Variants in GRAMD1B observed in about 807,000 individuals in gnomAD.
GRAMD1B encodes the protein protein Aster-B.
GRAMD1B carries 37 observed loss-of-function variants against 99.7 expected under a neutral mutation model. The observed-to-expected ratio is 0.37, with a 90% CI of 0.29 to 0.49. The LOEUF (loss-of-function observed/expected upper bound fraction) is 0.49. Among genes scored for constraint, GRAMD1B ranks in the 20% least tolerant of loss-of-function variants. The pLI is 0.98. For synonymous variants in GRAMD1B, 427 were observed against 387.6 expected (o/e 1.10, Z -1.19); for missense variants, 888 against 1,009.2 (o/e 0.88, Z 1.63).
chr11:123,583,287 GTGGT>G (rs1217634873), intron 3 of GRAMD1B, among the ~76,000 whole-genome samples: 2 of 147,294 alleles, frequency 1.4e-5, no homozygotes, highest in East Asian at 4.2e-4. Context: ...GCATGTGTGT[GTGGT>G]GTGTGTGAAT....
upstream of GRAMD1B, among the ~76,000 whole-genome samples, chr11:123,429,433 A>C (rs888662377): frequency 6.6e-6 from 1 of 152,028 alleles, no homozygotes; most frequent in Non-Finnish European, 1.5e-5. This position sits in a 1 kb window ranked among gnomAD's most constrained non-coding sequence, Gnocchi z 4.0. Context: ...ACTGAACCAG[A>C]CTTCCTAGGT....
chr11:123,413,746 G>A (rs1948131620), intron 1 of GRAMD1B, among the ~76,000 whole-genome samples: 1 of 152,000 alleles, frequency 6.6e-6, no homozygotes, highest in South Asian at 2.1e-4. Flanking sequence ...TCCAAGAAGA[G>A]GGGCTGCACA....
intron 2 of GRAMD1B, among the ~76,000 whole-genome samples, chr11:123,488,559 G>A (rs535921086): frequency 5.3e-5 from 8 of 152,306 alleles, no homozygotes; most frequent in Admixed American, 3.3e-4. Flanking sequence ...TGGCCATCAG[G>A]CATCAAGAAC....
intron 1 of GRAMD1B, among the ~76,000 whole-genome samples, chr11:123,434,881 C>T (rs868034263): frequency 6.6e-6 from 1 of 152,156 alleles, no homozygotes; most frequent in Non-Finnish European, 1.5e-5. Flanking sequence ...GTTCTATCAT[C>T]GATTAGCTAT....
intron 2 of GRAMD1B, among the ~76,000 whole-genome samples, chr11:123,522,522 T>G (rs1044706925): frequency 4.6e-5 from 7 of 152,160 alleles, no homozygotes; most frequent in Non-Finnish European, 1.0e-4. Context: ...TTTCACCATG[T>G]TGGCAAGGCT....
rs565734823 is a variant in GRAMD1B, at chr11:123,539,579, G to T, written c.453-37788G>T. ...ATCACACCACTGCACTCCAGCCTGGGTGACAGAGAGAGACCCTGTCTCAAA... is the reference window on the plus strand; with the variant it reads ...ATCACACCACTGCACTCCAGCCTGGTTGACAGAGAGAGACCCTGTCTCAAA... On this transcript the variant is annotated intron_variant, in intron 2 of 19. Transcript: ENST00000635736. 1.1e-4 allele frequency among the ~76,000 whole-genome samples: 16 copies of T among 152,224 alleles called. No individual in the cohort carries two copies. The South Asian group carries it at 2.7e-3, about 26-fold the overall frequency.
chr11:123,564,076 A>G (rs1445416709), intron 2 of GRAMD1B, among the ~76,000 whole-genome samples: 1 of 152,176 alleles, frequency 6.6e-6, no homozygotes, highest in Non-Finnish European at 1.5e-5. Context: ...GGGAGGAGCG[A>G]TATGAGGGGC....
In GRAMD1B at chr11:123,591,072, C is replaced by T. The variant is rs371401499; in HGVS notation, c.685-3010C>T. On this transcript the variant is annotated intron_variant, in intron 4 of 19. Coordinates refer to ENST00000635736, the MANE Select transcript of GRAMD1B (RefSeq NM_001387025.1). This position sits in a 1 kb window ranked among gnomAD's most constrained non-coding sequence, Gnocchi z 4.7. The stretch of plus-strand genomic sequence containing the variant: ...TGTCTGCACTGACCAGGTGGAGGTG[C>T]GTGACCACACCACCTCTGGGCTACT... 5 of 194,730 alleles carry T rather than the reference C, an allele frequency of 2.6e-5. No individual in the cohort carries two copies. The highest frequency in any genetic ancestry group is 6.1e-5 in the Admixed American group (1 of 16,484). The allele number at this position is 194,730 out of a possible 1,614,324, so 12.1% of individuals were successfully genotyped here.
At chr11:123,578,408 A>T in intron 3 of GRAMD1B, 1 of 1,530,312 alleles carries the variant, frequency 6.5e-7, no homozygotes, top group South Asian at 1.2e-5. Context: ...GCATGGTCTT[A>T]GTCTCACAAG....
At position 123,423,241 on chromosome 11, in the gene GRAMD1B, GAC is replaced by G. The variant is rs57312255; in HGVS notation, c.-175-57551_-175-57550del. Among the ~76,000 whole-genome samples the G allele has an allele frequency of 1.8e-3, 269 of 146,094 alleles. 1 individual carries two copies. The highest frequency in any genetic ancestry group is 4.2e-3 in the African/African-American group (168 of 39,904). On this transcript the variant is annotated intron_variant, in intron 1 of 20. Coordinates refer to the GRAMD1B transcript ENST00000638157. ...AAAACATAACATCTACCAACAATAA[GAC>G]ACACACACACACACACACACACAGA...
intron 17 of GRAMD1B, chr11:123,618,232 T>C: frequency 1.2e-6 from 1 of 832,982 alleles, no homozygotes; most frequent in South Asian, 1.5e-5. Flanking sequence ...TATTTTTTTC[T>C]CATATACTCT....
At position 123,444,951 on chromosome 11, in the gene GRAMD1B, T is replaced by C. The variant is rs1163514380; in HGVS notation, c.374+13785T>C. 2.0e-5 allele frequency among the ~76,000 whole-genome samples: 3 copies of C among 152,178 alleles called. No homozygotes were observed. The East Asian group carries it at 5.8e-4, about 29-fold the overall frequency. On this transcript the variant is annotated intron_variant, in intron 1 of 19. Coordinates refer to ENST00000635736, the MANE Select transcript of GRAMD1B (RefSeq NM_001387025.1). ...CCATCTTGAGGCTCCCCAGGGGCTG[T>C]ATCCTAAGTCATTTTCTTAGCATAA...
At chr11:123,528,039 T>G (rs768509473) in intron 2 of GRAMD1B, among the ~76,000 whole-genome samples, 9 of 152,250 alleles carry the variant, frequency 5.9e-5, no homozygotes, top group Non-Finnish European at 1.0e-4. Context: ...GCCTTGATAC[T>G]GTTAGATCCT....
At chr11:123,462,970 C>T (rs1447860057) in intron 1 of GRAMD1B, among the ~76,000 whole-genome samples, 1 of 150,500 alleles carries the variant, frequency 6.6e-6, no homozygotes, top group African/African-American at 2.4e-5. Context: ...CCATGTATCC[C>T]TGTGAAGTCT....
chr11:123,536,977 G>A (rs1944031405), intron 2 of GRAMD1B, among the ~76,000 whole-genome samples: 1 of 152,152 alleles, frequency 6.6e-6, no homozygotes, highest in African/African-American at 2.4e-5. Context: ...CAGACCTTCG[G>A]GGGCTTCATG....
Position 123,605,441 on chromosome 11 carries a change from C to T in GRAMD1B, c.1286C>T (p.Thr429Ile), listed in dbSNP as rs1205423823. ...CCCAAGAAATCCATCACCAACAGCA[C>T]ACTAACATCCACAGGGAGCAGTGAG... ...QLPKKSITNSTLTSTGSSEAP... is the reference protein window; with the variant it reads ...QLPKKSITNSILTSTGSSEAP... The change falls in exon 10 of 20, where the codon ACA (threonine) becomes ATA (isoleucine). Residue 429 changes from threonine (T) to isoleucine (I), a missense_variant. Transcript: ENST00000635736. 10 of 1,613,278 alleles carry T rather than the reference C, an allele frequency of 6.2e-6. No homozygotes were observed. Among genetic ancestry groups the T allele is most frequent in the Non-Finnish European group, 8.5e-6 (10 of 1,179,488 alleles).
At chr11:123,472,098 T>A (rs1951042666) in intron 1 of GRAMD1B, among the ~76,000 whole-genome samples, 3 of 151,900 alleles carry the variant, frequency 2.0e-5, no homozygotes, top group Non-Finnish European at 4.4e-5. Context: ...CCAGGCATGG[T>A]GGTGCGGGCC....
At chr11:123,611,288 C>A (rs756064424) in intron 14 of GRAMD1B, among the ~76,000 whole-genome samples, 4 of 151,868 alleles carry the variant, frequency 2.6e-5, no homozygotes, top group Non-Finnish European at 4.4e-5. Flanking sequence ...AATAAAAGTT[C>A]GCCAGGAGTG....
chr11:123,612,548 A>G (rs1953732407), intron 14 of GRAMD1B, among the ~76,000 whole-genome samples: 1 of 152,234 alleles, frequency 6.6e-6, no homozygotes, highest in Non-Finnish European at 1.5e-5. Flanking sequence ...CTGCTTAAAT[A>G]TCCTACGGCT....
Sources: gnomAD v4.1 joint callset for allele counts (sites outside exome capture counted in the v4.1 genomes callset) on GRCh38, gnomAD v4.1.1 for gene constraint, Gnocchi (gnomAD v3.1) non-coding constraint, MANE v1.5 for transcripts, NCBI Gene and HGNC (gene_info 2026-07-23, HGNC 2026-07-21) for gene names.